VGLL4: variants seen among roughly 807,000 people sequenced by gnomAD.
The protein encoded by VGLL4 is transcription cofactor vestigial-like protein 4.
VGLL4 carries 7 observed loss-of-function variants against 21.0 expected under a neutral mutation model. The ratio of observed to expected loss-of-function variants is 0.33; its 90% CI spans 0.19 to 0.63. VGLL4 has a LOEUF of 0.63. VGLL4 is among the 20% of genes least tolerant of loss of function. The probability of loss-of-function intolerance (pLI) is 0.78; values close to 1 mark genes in which losing one functional copy is unlikely to be tolerated. For synonymous variants in VGLL4, 222 were observed against 173.2 expected (o/e 1.28, Z -2.21); for missense variants, 394 against 425.7 (o/e 0.93, Z 0.66).
intron 2 of VGLL4, among the ~76,000 whole-genome samples, chr3:11,692,599 G>A (rs1419297005): frequency 6.6e-6 from 1 of 152,112 alleles, no homozygotes; most frequent in Non-Finnish European, 1.5e-5. Context: ...CTCCCCTGTG[G>A]TGCCTGAAGC....
rs186104201 is a variant in VGLL4 at position 11,681,799 on chromosome 3, G to A, written c.64+21172C>T. On this transcript the variant is annotated intron_variant, in intron 2 of 5. Coordinates refer to the VGLL4 transcript ENST00000273038. ...CTAAGGATGGAATGCAAAGGAGCCA[G>A]CGAGTAAGATTCGAGAAGGGCGTTT... Among the ~76,000 whole-genome samples the A allele has an allele frequency of 5.8e-4, 88 of 152,326 alleles. 1 individual carries two copies. In the East Asian group the frequency reaches 0.013, roughly 23 times the overall value.
chr3:11,692,373 C>G (rs923002244), intron 2 of VGLL4, among the ~76,000 whole-genome samples: 1 of 152,098 alleles, frequency 6.6e-6, no homozygotes, highest in African/African-American at 2.4e-5. Flanking sequence ...CTGGATGCCC[C>G]CACTTAGAGA....
chr3:11,559,491 G>A, intron 3 of VGLL4, 36 bp from the exon 4 acceptor site: 1 of 1,519,042 alleles, frequency 6.6e-7, no homozygotes, highest in Non-Finnish European at 8.8e-7. Flanking sequence ...GTGGAGACCA[G>A]CTTCAGTACC....
chr3:11,662,660 G>A (rs1034799742), intron 2 of VGLL4, among the ~76,000 whole-genome samples: 7 of 152,148 alleles, frequency 4.6e-5, no homozygotes, highest in African/African-American at 1.7e-4. Context: ...TACGGATCTG[G>A]CCAATGAGAC....
At chr3:11,589,768 C>G (rs939654640) in intron 2 of VGLL4, among the ~76,000 whole-genome samples, 4 of 152,210 alleles carry the variant, frequency 2.6e-5, no homozygotes, top group Non-Finnish European at 5.9e-5. Context: ...CAGCCGCCTT[C>G]TTGCTGTGTC....
intron 1 of VGLL4, chr3:11,626,285 G>A: frequency 2.2e-6 from 1 of 447,746 alleles, no homozygotes; most frequent in Non-Finnish European, 4.5e-6. Flanking sequence ...TGAACTCAAA[G>A]ACACAACCTT....
At chr3:11,618,674 A>C (rs1039161845) in intron 1 of VGLL4, among the ~76,000 whole-genome samples, 4 of 152,234 alleles carry the variant, frequency 2.6e-5, no homozygotes, top group Non-Finnish European at 4.4e-5. Flanking sequence ...AAGAAAAGAG[A>C]CTATTAAATA....
At chr3:11,682,330 G>A (rs532469600) in intron 2 of VGLL4, among the ~76,000 whole-genome samples, 24 of 148,780 alleles carry the variant, frequency 1.6e-4, no homozygotes, top group African/African-American at 4.0e-4. Context: ...GCTTGAACCC[G>A]GGAGGTGGAG....
intron 1 of VGLL4, among the ~76,000 whole-genome samples, chr3:11,629,479 G>A (rs985188677): frequency 2.0e-5 from 3 of 152,136 alleles, no homozygotes; most frequent in Non-Finnish European, 4.4e-5. Context: ...AGCTGGGGCT[G>A]GAACTGGGGG....
At chr3:11,707,150 T>TA (rs34457081) in intron 1 of VGLL4, among the ~76,000 whole-genome samples, 8,994 of 139,650 alleles carry the variant, frequency 0.064, 316 homozygotes, top group Middle Eastern at 0.096. Context: ...ACCCCATTTC[T>TA]AAAAAAAAAA....
At chr3:11,606,043 G>A (rs902622268) in intron 1 of VGLL4, among the ~76,000 whole-genome samples, 1 of 152,196 alleles carries the variant, frequency 6.6e-6, no homozygotes, top group African/African-American at 2.4e-5. Context: ...AGAGAAAGAG[G>A]CTTGATGGAT....
At chr3:11,711,668 G>A (rs1384581943) in intron 1 of VGLL4, among the ~76,000 whole-genome samples, 1 of 152,108 alleles carries the variant, frequency 6.6e-6, no homozygotes, top group Non-Finnish European at 1.5e-5. Context: ...AATGAGCTGA[G>A]ATCACGCCAC....
At position 11,556,113 on chromosome 3, in the gene VGLL4, T is replaced by A. The variant is rs1195665521; in HGVS notation, c.*2443A>T. 3.3e-5 allele frequency: 5 copies of A among 152,296 alleles called. No homozygotes were observed. Among genetic ancestry groups the A allele is most frequent in the African/African-American group, 1.2e-4 (5 of 41,256 alleles). The allele number at this position is 152,296 out of a possible 1,614,324, so 9.4% of individuals were successfully genotyped here. A position where few individuals can be genotyped will look rare whatever the true frequency, so the allele number is the denominator to read the frequency against. On this transcript the variant is annotated 3_prime_UTR_variant, in exon 5 of 5. Coordinates refer to ENST00000430365, the MANE Select transcript of VGLL4 (RefSeq NM_001128219.3). The stretch of plus-strand genomic sequence containing the variant: ...TATTGTTCTTAAGGCTACTTTTAAG[T>A]ACAAAAAAAGATGGCCTGCCAAACC...
At chr3:11,597,733 C>G (rs774842201) in intron 2 of VGLL4, among the ~76,000 whole-genome samples, 2 of 152,110 alleles carry the variant, frequency 1.3e-5, no homozygotes, top group Non-Finnish European at 2.9e-5. Flanking sequence ...GATGGATTTG[C>G]CCCATCTCCT....
rs28575188 is a variant in VGLL4, at chr3:11,569,013, C to T, written c.273-3994G>A. On this transcript the variant is annotated intron_variant, in intron 2 of 4. Coordinates refer to ENST00000430365, the MANE Select transcript of VGLL4 (RefSeq NM_001128219.3). ...ACACCATCATCCAGGACAGAGCTTT[C>T]TGAGTACTGAAAGCCACACGCTCTC... The T allele has an allele frequency of 6.3e-6, 6 of 951,280 alleles. No homozygotes were observed. In the Admixed American group the frequency reaches 1.5e-4, roughly 24 times the overall value. The allele number at this position is 951,280 out of a possible 1,614,324, so 58.9% of individuals were successfully genotyped here. A position where few individuals can be genotyped will look rare whatever the true frequency, so the allele number is the denominator to read the frequency against.
chr3:11,612,892 A>G (rs1027501095), intron 1 of VGLL4, among the ~76,000 whole-genome samples: 11 of 152,252 alleles, frequency 7.2e-5, no homozygotes, highest in African/African-American at 2.2e-4. Context: ...ATTCTGCACT[A>G]TATTTACTTG....
chr3:11,647,292 C>T (rs904747417), upstream of VGLL4, among the ~76,000 whole-genome samples: 2 of 152,024 alleles, frequency 1.3e-5, no homozygotes, highest in South Asian at 2.1e-4. Context: ...GTGTGCAGGA[C>T]GTCTCTTCTT....
intron 1 of VGLL4, among the ~76,000 whole-genome samples, chr3:11,618,938 A>C (rs2574720): frequency 0.42 from 63,584 of 152,004 alleles, 14,859 homozygotes; most frequent in South Asian, 0.61. Flanking sequence ...CCAGTGAGCA[A>C]ATTTTATCAA....
chr3:11,643,286 C>G (rs2075731057), intron 1 of VGLL4, 151 bp downstream of exon 1: 2 of 1,167,368 alleles, frequency 1.7e-6, no homozygotes, highest in Admixed American at 4.5e-5. Context: ...CGAACACACT[C>G]GGTGCCGAAC....
Sources: gnomAD v4.1 joint callset for allele counts (sites outside exome capture counted in the v4.1 genomes callset) on GRCh38, gnomAD v4.1.1 for gene constraint, MANE v1.5 for transcripts, NCBI Gene and HGNC (gene_info 2026-07-23, HGNC 2026-07-21) for gene names.